EPHB1: variants seen among roughly 807,000 people sequenced by gnomAD.
The protein encoded by EPHB1 is EPH receptor B1.
Under a neutral mutation model 94.4 loss-of-function variants are expected in EPHB1, and 30 were observed. The ratio of observed to expected loss-of-function variants is 0.32; its 90% CI spans 0.24 to 0.43. The LOEUF is 0.43. EPHB1 is among the 20% of genes least tolerant of loss of function. The pLI, the probability that EPHB1 is intolerant of heterozygous loss-of-function variation, is 1.00. For synonymous variants in EPHB1, 522 were observed against 489.1 expected (o/e 1.07, Z -0.89); for missense variants, 1,055 against 1,308.3 (o/e 0.81, Z 2.99).
chr3:134,861,913 A>G (rs1448835627), intron 1 of EPHB1, among the ~76,000 whole-genome samples: 1 of 152,186 alleles, frequency 6.6e-6, no homozygotes, highest in Non-Finnish European at 1.5e-5. Context: ...AGAATAGCTT[A>G]TGTGTTAAAT....
intron 3 of EPHB1, among the ~76,000 whole-genome samples, chr3:135,057,376 C>T (rs1273861053): frequency 6.6e-6 from 1 of 152,174 alleles, no homozygotes; most frequent in Non-Finnish European, 1.5e-5. Flanking sequence ...ATATTCTGCT[C>T]TCTGGACAGC....
intron 2 of EPHB1, among the ~76,000 whole-genome samples, chr3:134,940,955 G>A (rs1044197245): frequency 6.6e-6 from 1 of 152,144 alleles, no homozygotes; most frequent in Non-Finnish European, 1.5e-5. Context: ...CAGAATAGCT[G>A]GGATCGTATT....
chr3:135,233,549 T>G (rs2107725140), intron 12 of EPHB1, among the ~76,000 whole-genome samples: 1 of 152,326 alleles, frequency 6.6e-6, no homozygotes, highest in African/African-American at 2.4e-5. Flanking sequence ...CAGTGCAAGC[T>G]GTTGGCGGAT....
rs568256817 is a variant in EPHB1 at position 134,919,478 on chromosome 3, C to T, written c.59-6338C>T. On this transcript the variant is annotated intron_variant, in intron 1 of 15. Transcript: ENST00000398015. ...GCAGGCAACCTGAGGCCAATTCAGA[C>T]GGGTAGGGATGAGATTACAGGGAGA... Among the ~76,000 whole-genome samples, 11 of 152,254 alleles carry T rather than the reference C, an allele frequency of 7.2e-5. No individual in the cohort carries two copies. The East Asian group carries it at 7.7e-4, about 11-fold the overall frequency.
rs570301991 is a variant in EPHB1 at position 135,004,454 on chromosome 3, C to G, written c.805+52402C>G. Among the ~76,000 whole-genome samples the G allele has an allele frequency of 2.7e-3, 407 of 152,076 alleles. 1 individual carries two copies. The highest frequency in any genetic ancestry group is 7.9e-3 in the African/African-American group (329 of 41,472). On this transcript the variant is annotated intron_variant, in intron 3 of 15. Coordinates refer to ENST00000398015, the MANE Select transcript of EPHB1 (RefSeq NM_004441.5). ...TATGTGTCTTGGAGTTGCTCTTCTC[C>G]AGGAGTATCTTTGTGGCGTTCTCTG...
intron 1 of EPHB1, among the ~76,000 whole-genome samples, chr3:134,869,006 A>C (rs563363554): frequency 6.6e-6 from 1 of 152,350 alleles, no homozygotes; most frequent in African/African-American, 2.4e-5. Context: ...GCCTCTTACA[A>C]GTTTTGTGGC....
intron 1 of EPHB1, among the ~76,000 whole-genome samples, chr3:134,866,052 A>T (rs940645144): frequency 2.0e-4 from 31 of 152,206 alleles, no homozygotes; most frequent in African/African-American, 7.5e-4. Flanking sequence ...AGGCAGAACC[A>T]AAGGCAGCCC....
intron 10 of EPHB1, among the ~76,000 whole-genome samples, chr3:135,183,021 TTTTCTTTTCTTTCTTTC>T (rs1403075315): frequency 0.062 from 4,440 of 72,098 alleles, 88 homozygotes; most frequent in Middle Eastern, 0.095. Flanking sequence ...TTTTCTTTTC[TTTTCTTTTCTTTCTTTC>T]TTTCTTTCTT....
chr3:135,219,157 C>T (rs1943221557), intron 12 of EPHB1, among the ~76,000 whole-genome samples: 1 of 152,074 alleles, frequency 6.6e-6, no homozygotes, highest in Non-Finnish European at 1.5e-5. Context: ...GATGTGCTTA[C>T]TGGATAGTGA....
intron 3 of EPHB1, among the ~76,000 whole-genome samples, chr3:135,036,294 G>A (rs1936645902): frequency 6.6e-6 from 1 of 152,188 alleles, no homozygotes; most frequent in Admixed American, 6.5e-5. Context: ...ACTGAGGCCA[G>A]TGCAACCAAG....
chr3:135,036,198 C>T (rs1033757656), intron 3 of EPHB1, among the ~76,000 whole-genome samples: 3 of 152,170 alleles, frequency 2.0e-5, no homozygotes. Flanking sequence ...ATAGGTAGCA[C>T]AGCAAGGCCG....
chr3:135,113,373 G>T (rs1184505928), intron 4 of EPHB1, among the ~76,000 whole-genome samples: 1 of 152,166 alleles, frequency 6.6e-6, no homozygotes, highest in Non-Finnish European at 1.5e-5. Context: ...GAATTGTATA[G>T]CTCTAAGTTT....
intron 1 of EPHB1, among the ~76,000 whole-genome samples, chr3:134,916,916 C>G (rs1192856300): frequency 6.6e-6 from 1 of 152,258 alleles, no homozygotes; most frequent in East Asian, 1.9e-4. Flanking sequence ...AGCACACTGT[C>G]ACCTCTCAAT....
At chr3:135,233,245 G>A (rs376340502) in intron 12 of EPHB1, among the ~76,000 whole-genome samples, 2 of 152,214 alleles carry the variant, frequency 1.3e-5, no homozygotes, top group East Asian at 3.8e-4. Context: ...TTACTTCCTA[G>A]TTACAATGGG....
chr3:135,126,551 C>A (rs75345145), intron 4 of EPHB1, among the ~76,000 whole-genome samples: 2,195 of 152,274 alleles, frequency 0.014, 47 homozygotes, highest in African/African-American at 0.043. Context: ...GAACTGGACC[C>A]ATTCTGGAGA....
At chr3:134,973,423 G>GTTT (rs1559778175) in intron 3 of EPHB1, among the ~76,000 whole-genome samples, 5 of 93,316 alleles carry the variant, frequency 5.4e-5, no homozygotes, top group Non-Finnish European at 1.0e-4. Flanking sequence ...CTGTCTTCTA[G>GTTT]TCTTTTTTTT....
chr3:134,896,736 C>T (rs1459316686), intron 1 of EPHB1, among the ~76,000 whole-genome samples: 1 of 152,228 alleles, frequency 6.6e-6, no homozygotes, highest in Non-Finnish European at 1.5e-5. Context: ...AGGGGGAAGC[C>T]CTGCTTGGGC....
At chr3:135,162,266 A>T in intron 7 of EPHB1, 86 bp downstream of exon 7, 1 of 1,384,274 alleles carries the variant, frequency 7.2e-7, no homozygotes, top group South Asian at 1.5e-5. Context: ...ACTAGCCAAA[A>T]ATGCTGATCT....
At chr3:135,213,267 G>A (rs1257684258) in intron 12 of EPHB1, among the ~76,000 whole-genome samples, 2 of 152,184 alleles carry the variant, frequency 1.3e-5, no homozygotes, top group Admixed American at 6.5e-5. Context: ...GCTTTCTTAT[G>A]ATTGGAATAA....
Sources: gnomAD v4.1 joint callset for allele counts (sites outside exome capture counted in the v4.1 genomes callset) on GRCh38, gnomAD v4.1.1 for gene constraint, MANE v1.5 for transcripts, NCBI Gene and HGNC (gene_info 2026-07-23, HGNC 2026-07-21) for gene names.